The following AKT3 variants were observed in gnomAD, a reference collection of about 807,000 sequenced individuals.
AKT3 encodes the protein RAC-gamma serine/threonine-protein kinase.
A neutral mutation model predicts 65.3 loss-of-function variants in AKT3; 15 were observed. The observed-to-expected ratio is 0.23, with a 90% CI of 0.15 to 0.35. The LOEUF (loss-of-function observed/expected upper bound fraction) is 0.35, where lower values mean the gene tolerates loss of function less well. Among genes scored for constraint, AKT3 ranks in the 10% least tolerant of loss-of-function variants. AKT3 has a pLI of 1.00. For missense variants in AKT3, 243 were observed against 576.5 expected (o/e 0.42, Z 5.92); for synonymous variants, 206 against 183.8 (o/e 1.12, Z -0.98).
chr1:243,652,733 T>A (rs1318672928), intron 4 of AKT3, among the ~76,000 whole-genome samples: 1 of 40,524 alleles, frequency 2.5e-5, no homozygotes, highest in African/African-American at 1.0e-4. Context: ...AGGCTCAAAA[T>A]AAAGGGAAGA....
chr1:243,661,455 A>G (rs961141497), intron 4 of AKT3, among the ~76,000 whole-genome samples: 1 of 151,814 alleles, frequency 6.6e-6, no homozygotes, highest in African/African-American at 2.4e-5. Flanking sequence ...GCAATGGGGA[A>G]AGGATTCCCT....
chr1:243,745,300 A>C (rs1688413556), intron 2 of AKT3, among the ~76,000 whole-genome samples: 1 of 152,036 alleles, frequency 6.6e-6, no homozygotes, highest in Non-Finnish European at 1.5e-5. Context: ...TGATCATGCC[A>C]CTGCACTCCA....
At chr1:243,522,887 G>A (rs1431373796) in intron 12 of AKT3, among the ~76,000 whole-genome samples, 1 of 152,068 alleles carries the variant, frequency 6.6e-6, no homozygotes, top group Non-Finnish European at 1.5e-5. Context: ...ACGTGACCAA[G>A]ACCCTCTCTC....
At chr1:243,652,770 G>GAAAAAAAAAAAAA (rs1558686553) in intron 4 of AKT3, among the ~76,000 whole-genome samples, 4 of 3,182 alleles carry the variant, frequency 1.3e-3, no homozygotes, top group Admixed American at 3.8e-3. Flanking sequence ...CAAATAGAAA[G>GAAAAAAAAAAAAA]CAAAAAAAAA....
chr1:243,529,772 G>T (rs754463446), intron 12 of AKT3, among the ~76,000 whole-genome samples: 1 of 152,108 alleles, frequency 6.6e-6, no homozygotes, highest in African/African-American at 2.4e-5. Flanking sequence ...TGGCTATTCG[G>T]GTTCTTTTTC....
intron 2 of AKT3, among the ~76,000 whole-genome samples, chr1:243,703,609 A>G (rs549112883): frequency 6.6e-6 from 1 of 152,002 alleles, no homozygotes; most frequent in Admixed American, 6.6e-5. Flanking sequence ...AAATATAAAA[A>G]TTAGCCGGGC....
chr1:243,546,195 C>G (rs1367699779), intron 11 of AKT3, among the ~76,000 whole-genome samples: 1 of 152,296 alleles, frequency 6.6e-6, no homozygotes, highest in East Asian at 1.9e-4. Flanking sequence ...TGCCTCTGCT[C>G]CTCCTTCACC....
chr1:243,748,619 G>T (rs1394302167), intron 2 of AKT3, among the ~76,000 whole-genome samples: 2 of 152,128 alleles, frequency 1.3e-5, no homozygotes, highest in East Asian at 3.8e-4. Flanking sequence ...AGTTCACTGA[G>T]AAATACTATT....
chr1:243,802,733 G>T (rs1041784246), intron 2 of AKT3, among the ~76,000 whole-genome samples: 1 of 152,166 alleles, frequency 6.6e-6, no homozygotes, highest in Non-Finnish European at 1.5e-5. Context: ...GGCCCAGTGT[G>T]TCAAGTAGTT....
intron 2 of AKT3, among the ~76,000 whole-genome samples, chr1:243,762,121 G>T (rs1689531807): frequency 6.6e-6 from 1 of 152,036 alleles, no homozygotes; most frequent in South Asian, 2.1e-4. Flanking sequence ...AGAATTTCTG[G>T]CATGTATTTA....
At chr1:243,543,201 T>G (rs565126340) in intron 12 of AKT3, among the ~76,000 whole-genome samples, 3 of 152,342 alleles carry the variant, frequency 2.0e-5, no homozygotes, top group Non-Finnish European at 4.4e-5. Flanking sequence ...ACACTGGGCA[T>G]GTCTAACCCA....
chr1:243,793,606 T>A (rs1377478953), intron 2 of AKT3: 1 of 151,924 alleles, frequency 6.6e-6, no homozygotes, highest in African/African-American at 2.4e-5. Flanking sequence ...AAACCCTGTA[T>A]CTATAAAAAA....
chr1:243,571,538 T>C lies in AKT3; in HGVS notation c.819+1388A>G, dbSNP rs190804687. 8.5e-4 allele frequency among the ~76,000 whole-genome samples: 129 copies of C among 152,332 alleles called. 1 individual carries two copies. Among genetic ancestry groups the C allele is most frequent in the African/African-American group, 2.9e-3 (122 of 41,566 alleles). Reference sequence around the variant, plus strand: ...CCTTAAATCTAAGCCTCCATGCTTCTATCCTTCCCCTTTTCACCCCTACAA... The same window carrying C: ...CCTTAAATCTAAGCCTCCATGCTTCCATCCTTCCCCTTTTCACCCCTACAA... On this transcript the variant is annotated intron_variant, in intron 9 of 13. Transcript: ENST00000673466.
At chr1:243,766,358 T>G (rs912643727) in intron 2 of AKT3, among the ~76,000 whole-genome samples, 2 of 152,106 alleles carry the variant, frequency 1.3e-5, no homozygotes, top group Non-Finnish European at 2.9e-5. Flanking sequence ...TAATAATAAT[T>G]TTAAATTGCA....
Position 243,503,120 on chromosome 1 carries a change from A to G in AKT3, c.*2129T>C. 4.3e-6 allele frequency: 1 copy of G among 233,728 alleles called. No individual in the cohort carries two copies. Among genetic ancestry groups the G allele is most frequent in the Non-Finnish European group, 8.5e-6 (1 of 118,028 alleles). The allele number at this position is 233,728 out of a possible 1,614,324, so 14.5% of individuals were successfully genotyped here. ...CCAAGTGAAAAAAAAAAGATTAGCT[A>G]TGTGTGTAAGTAAGAATGAACTACC... On this transcript the variant is annotated 3_prime_UTR_variant, in exon 14 of 14. Transcript: ENST00000673466.
intron 2 of AKT3, among the ~76,000 whole-genome samples, chr1:243,759,356 A>AAAAAT (rs530713818): frequency 0.023 from 3,212 of 142,424 alleles, 110 homozygotes; most frequent in African/African-American, 0.075. Context: ...AAATTAAATT[A>AAAAAT]AAAATAAAAT....
At chr1:243,601,190 T>C (rs1676973507) in intron 8 of AKT3, among the ~76,000 whole-genome samples, 1 of 152,082 alleles carries the variant, frequency 6.6e-6, no homozygotes, top group Non-Finnish European at 1.5e-5. Flanking sequence ...AGAAAATATT[T>C]ATAAAATATA....
chr1:243,627,545 A>G (rs1485072073), intron 6 of AKT3, among the ~76,000 whole-genome samples: 1 of 152,230 alleles, frequency 6.6e-6, no homozygotes. Flanking sequence ...CCAGAATACA[A>G]TAATATACTA....
chr1:243,790,082 G>A (rs1020445324), intron 2 of AKT3, among the ~76,000 whole-genome samples: 5 of 152,134 alleles, frequency 3.3e-5, no homozygotes, highest in African/African-American at 1.2e-4. Context: ...TTTTTGGAAT[G>A]GTAAAGGAGC....
Sources: gnomAD v4.1 joint callset for allele counts (sites outside exome capture counted in the v4.1 genomes callset) on GRCh38, gnomAD v4.1.1 for gene constraint, MANE v1.5 for transcripts, NCBI Gene and HGNC (gene_info 2026-07-23, HGNC 2026-07-21) for gene names.